PKHD1: variants seen among roughly 807,000 people sequenced by gnomAD.
PKHD1 encodes fibrocystin.
Under a neutral mutation model 412.0 loss-of-function variants are expected in PKHD1, and 291 were observed. The ratio of observed to expected loss-of-function variants is 0.71; its 90% CI spans 0.64 to 0.78. The LOEUF is 0.78. Ranked by LOEUF, PKHD1 falls within the 30% of genes least tolerant of loss-of-function variation. PKHD1 has a pLI of 0.00. For missense variants in PKHD1, 4,825 were observed against 4,950.7 expected, an observed-to-expected ratio of 0.97 and a Z score of 0.76; for synonymous variants, 1,777 against 1,821.5, an observed-to-expected ratio of 0.98 and a Z score of 0.62.
chr6:52,056,667 A>C, intron 18 of PKHD1, 31 bp downstream of exon 18: 1 of 1,452,070 alleles, frequency 6.9e-7, no homozygotes, highest in Non-Finnish European at 9.7e-7. Context: ...CATGATGAAA[A>C]AGACAATCAG....
At chr6:51,963,686 C>T (rs527436909) in intron 35 of PKHD1, among the ~76,000 whole-genome samples, 2 of 152,132 alleles carry the variant, frequency 1.3e-5, no homozygotes, top group East Asian at 1.9e-4. Flanking sequence ...CACCTTCCAA[C>T]ATCTTCATCC....
At chr6:52,049,053 T>C (rs1806328408) in intron 22 of PKHD1, among the ~76,000 whole-genome samples, 1 of 152,288 alleles carries the variant, frequency 6.6e-6, no homozygotes, top group East Asian at 1.9e-4. Flanking sequence ...TTTTGGAACA[T>C]ATGAGAAAAA....
chr6:51,988,893 C>G (rs1256122401), intron 35 of PKHD1, among the ~76,000 whole-genome samples: 6 of 152,200 alleles, frequency 3.9e-5, no homozygotes, highest in Admixed American at 3.3e-4. Context: ...GATGACAAGA[C>G]AAGTCCTCCA....
chr6:52,005,849 T>A (rs577550655), intron 35 of PKHD1, among the ~76,000 whole-genome samples: 1 of 151,702 alleles, frequency 6.6e-6, no homozygotes, highest in African/African-American at 2.4e-5. Flanking sequence ...CTTTTTTTTT[T>A]AATTTGTTTT....
At chr6:52,051,714 C>G (rs927884901) in intron 21 of PKHD1, among the ~76,000 whole-genome samples, 1 of 152,202 alleles carries the variant, frequency 6.6e-6, no homozygotes. Context: ...GAAAACTGAA[C>G]AGCACCTATT....
At chr6:52,005,493 A>T (rs1242318083) in intron 35 of PKHD1, among the ~76,000 whole-genome samples, 3 of 152,096 alleles carry the variant, frequency 2.0e-5, no homozygotes, top group East Asian at 3.8e-4. Flanking sequence ...TGGTTCCCCC[A>T]CCAGAAATGC....
intron 53 of PKHD1, among the ~76,000 whole-genome samples, chr6:51,788,303 A>G (rs2151240119): frequency 6.6e-6 from 1 of 152,100 alleles, no homozygotes; most frequent in South Asian, 2.1e-4. Flanking sequence ...CTGTTCTGAT[A>G]GCTGGAGGCT....
At chr6:52,007,078 A>G (rs1457813180) in intron 35 of PKHD1, among the ~76,000 whole-genome samples, 1 of 152,114 alleles carries the variant, frequency 6.6e-6, no homozygotes, top group Non-Finnish European at 1.5e-5. Context: ...TAATTTCTTT[A>G]TTGACTCGTT....
In PKHD1 at chr6:51,817,729, A is replaced by G. The variant is rs375574390; in HGVS notation, c.8302+13132T>C. Among the ~76,000 whole-genome samples the G allele has an allele frequency of 6.7e-4, 102 of 152,334 alleles. 1 individual carries two copies. The highest frequency in any genetic ancestry group is 2.0e-3 in the African/African-American group (85 of 41,584). ...TCACTCCTCTAACAAATAAACAAAGAACTTCTACTCTTCTGGAGCTTCCCT... is the reference window on the plus strand; with the variant it reads ...TCACTCCTCTAACAAATAAACAAAGGACTTCTACTCTTCTGGAGCTTCCCT... On this transcript the variant is annotated intron_variant, in intron 52 of 66. Transcript: ENST00000371117.
At chr6:51,870,670 A>G (rs760247718) in intron 46 of PKHD1, 31 bp from the exon 47 acceptor site, 11 of 1,572,762 alleles carry the variant, frequency 7.0e-6, no homozygotes, top group Non-Finnish European at 9.6e-6. Context: ...AGATGAAAGC[A>G]AAATAAGAAA....
At chr6:52,028,407 T>C (rs568724714) in intron 29 of PKHD1, 56 bp from the exon 30 acceptor site, 2 of 1,483,936 alleles carry the variant, frequency 1.3e-6, no homozygotes, top group East Asian at 4.5e-5. Context: ...GGCTCAACCA[T>C]CTATTCAATT....
intron 52 of PKHD1, among the ~76,000 whole-genome samples, chr6:51,793,394 T>G (rs1045191561): frequency 6.6e-6 from 1 of 152,202 alleles, no homozygotes; most frequent in East Asian, 1.9e-4. Flanking sequence ...ATGAGCAGGA[T>G]ATGCAGGTTT....
At chr6:51,938,952 T>C (rs1787978059) in intron 36 of PKHD1, among the ~76,000 whole-genome samples, 1 of 151,682 alleles carries the variant, frequency 6.6e-6, no homozygotes, top group Non-Finnish European at 1.5e-5. Flanking sequence ...TTTCCTTTTC[T>C]GGTGATGCAG....
At chr6:51,905,484 G>C (rs974322927) in intron 41 of PKHD1, among the ~76,000 whole-genome samples, 3 of 152,182 alleles carry the variant, frequency 2.0e-5, no homozygotes, top group Admixed American at 6.6e-5. Flanking sequence ...CAGAGCCAGA[G>C]AGCTTGTGCA....
chr6:51,657,144 G>T lies in PKHD1; in HGVS notation c.11174+1808C>A, dbSNP rs150568684. The stretch of plus-strand genomic sequence containing the variant: ...ATAAAAAAAAAAAAAAGAAAGAACT[G>T]CATTCCTAGACTCATTTCTGCTGGC... On this transcript the variant is annotated intron_variant, in intron 61 of 66. Coordinates refer to ENST00000371117, the MANE Select transcript of PKHD1 (RefSeq NM_138694.4). Among the ~76,000 whole-genome samples the T allele has an allele frequency of 4.0e-3, 602 of 151,182 alleles. 4 individuals carry two copies. The highest frequency in any genetic ancestry group is 0.014 in the African/African-American group (568 of 41,252).
intron 53 of PKHD1, among the ~76,000 whole-genome samples, chr6:51,781,715 TA>T (rs1322894845): frequency 2.0e-5 from 3 of 151,940 alleles, no homozygotes; most frequent in Admixed American, 1.3e-4. Flanking sequence ...TAATAGTAGT[TA>T]AAAAAACAGT....
rs772977280 is a variant in PKHD1 at position 51,754,903 on chromosome 6, T to A, written c.8678A>T (p.His2893Leu). The change falls in exon 56 of 67, where the codon CAT (histidine) becomes CTT (leucine). Residue 2893 changes from histidine (H) to leucine (L), a missense_variant. Physicochemically the swap from His to Leu is moderately conservative, Grantham distance 99. Transcript: ENST00000371117. ...IVEDAVDWRP[H>L]DKIVLSSSSY... ...AGAGGAGCTAAGGACTATTTTGTCA[T>A]GGGGGCGCCAATCCACTGCATCTTC... The A allele has an allele frequency of 5.0e-6, 8 of 1,613,626 alleles. No individual in the cohort carries two copies. The Admixed American group carries it at 1.3e-4, about 27-fold the overall frequency.
At chr6:51,847,116 C>T (rs1771311502) in intron 50 of PKHD1, among the ~76,000 whole-genome samples, 1 of 152,016 alleles carries the variant, frequency 6.6e-6, no homozygotes, top group Admixed American at 6.6e-5. Context: ...TGCGCCACCA[C>T]ACCCAGCTAA....
At chr6:51,626,731 T>C (rs1334656897) in intron 66 of PKHD1, among the ~76,000 whole-genome samples, 1 of 152,194 alleles carries the variant, frequency 6.6e-6, no homozygotes, top group African/African-American at 2.4e-5. Context: ...TCCCCTTTCC[T>C]CTATGTAACA....
Sources: allele counts gnomAD v4.1 joint callset (sites outside exome capture counted in the v4.1 genomes callset), GRCh38; gene constraint gnomAD v4.1.1; transcripts MANE v1.5; gene names NCBI Gene and HGNC (gene_info 2026-07-23, HGNC 2026-07-21).